SYNPO2: variants seen among roughly 807,000 people sequenced by gnomAD.
SYNPO2 encodes synaptopodin-2.
Under a neutral mutation model 85.0 loss-of-function variants are expected in SYNPO2, and 56 were observed. That is an observed-to-expected ratio of 0.66 (90% CI 0.53 to 0.82). SYNPO2 has a LOEUF of 0.82. Among genes scored for constraint, SYNPO2 ranks in the 40% least tolerant of loss-of-function variants. The pLI, the probability that SYNPO2 is intolerant of heterozygous loss-of-function variation, is 0.00. For synonymous variants in SYNPO2, 602 were observed against 591.1 expected, an observed-to-expected ratio of 1.02 and a Z score of -0.27; for missense variants, 1,575 against 1,534.2, an observed-to-expected ratio of 1.03 and a Z score of -0.44.
chr4:118,855,501 G>A lies in SYNPO2; in HGVS notation c.12+4561G>A, dbSNP rs184034257. Among the ~76,000 whole-genome samples the A allele has an allele frequency of 4.9e-4, 75 of 152,042 alleles. 1 individual carries two copies. Among genetic ancestry groups the A allele is most frequent in the Non-Finnish European group, 3.8e-4 (26 of 67,946 alleles). ...ATTACTTTTTATCTGAGTAGATATC[G>A]CACAACTGTAGAGAGAATATTTTCA... On this transcript the variant is annotated intron_variant, in intron 1 of 4. Transcript: ENST00000610556.
At chr4:118,886,984 G>T (rs1732209062), upstream of SYNPO2, among the ~76,000 whole-genome samples, 1 of 151,942 alleles carries the variant, frequency 6.6e-6, no homozygotes, top group East Asian at 1.9e-4. Flanking sequence ...ATTCAACATT[G>T]TTTCATGACA....
At position 119,029,950 on chromosome 4, in the gene SYNPO2, A is replaced by G. The variant is rs775511010; in HGVS notation, c.1175A>G (p.Lys392Arg). Residue 392 changes from lysine (K) to arginine (R), a missense_variant, in exon 4 of 5, where the codon AAG (lysine) becomes AGG (arginine). Lys to Arg is a conservative substitution (Grantham distance 26). This residue lies in a region of SYNPO2 where 1,508 missense variants were observed against 1,446.8 expected (regional missense o/e 1.04). Transcript: ENST00000307142. ...LLTDAPNPNS[K>R]GVLMFKKRRR... ...ACGGATGCTCCCAACCCCAACTCCA[A>G]GGGGGTGTTGATGTTTAAGAAGCGA... is the stretch of plus-strand genomic sequence containing the variant. 81 of 1,613,936 alleles carry G rather than the reference A, an allele frequency of 5.0e-5. No homozygotes were observed. Among genetic ancestry groups the G allele is most frequent in the Non-Finnish European group, 6.4e-5 (76 of 1,180,006 alleles).
chr4:119,030,745 A>AG lies in SYNPO2; in HGVS notation c.1971dup (p.Pro658AlafsTer8), dbSNP rs2149190574. On this transcript the variant is annotated frameshift_variant, in exon 4 of 5. Transcript: ENST00000307142. LOFTEE classifies it high-confidence loss of function. ...TGGCCCCAGCCTGCCCCGTGGTCCC[A>AG]GCCAGCCTTTTACGATTCGTCTGAG... The AG allele has an allele frequency of 6.2e-7, 1 of 1,614,196 alleles. No homozygotes were observed. The highest frequency in any genetic ancestry group is 2.2e-5 in the East Asian group (1 of 44,878).
In SYNPO2 at chr4:119,030,319, G is replaced by A. The variant is rs754467863; in HGVS notation, c.1544G>A (p.Gly515Asp). The change falls in exon 4 of 5, where the codon GGT becomes GAT. Residue 515 changes from glycine to aspartate, a missense_variant. This residue lies in a region of SYNPO2 where 1,508 missense variants were observed against 1,446.8 expected (regional missense o/e 1.04). Coordinates refer to ENST00000307142, the MANE Select transcript of SYNPO2 (RefSeq NM_133477.3). ...ITAQKEEDKV[G>D]GTPSREQDAA... is the part of the protein sequence containing the mutation. ...GCCCAAAAAGAAGAGGACAAGGTAG[G>A]TGGAACGCCAAGCAGAGAACAAGAT... is the stretch of plus-strand genomic sequence containing the variant. The A allele has an allele frequency of 2.6e-5, 42 of 1,613,992 alleles. No homozygotes were observed. Among genetic ancestry groups the A allele is most frequent in the Non-Finnish European group, 3.5e-5 (41 of 1,180,044 alleles).
At position 119,029,867 on chromosome 4, in the gene SYNPO2, GTCAGA is replaced by G; in HGVS notation, c.1093_1097del (p.Ser365LysfsTer9). ...TAGGGCTCAGGAGGAGTGAAAGCCTGTCAGAAAAACAAGTGAAGGAAGCAAAATCT... is the reference window on the plus strand; with the variant it reads ...TAGGGCTCAGGAGGAGTGAAAGCCTGAAAACAAGTGAAGGAAGCAAAATCT... On this transcript the variant is annotated frameshift_variant, in exon 4 of 5. Transcript: ENST00000307142. LOFTEE classifies it high-confidence loss of function. 3.1e-6 allele frequency: 5 copies of G among 1,588,448 alleles called. No homozygotes were observed. The highest frequency in any genetic ancestry group is 4.3e-6 in the Non-Finnish European group (5 of 1,165,334).
intron 1 of SYNPO2, among the ~76,000 whole-genome samples, chr4:118,857,100 T>C (rs1238362162): frequency 1.3e-5 from 2 of 152,174 alleles, no homozygotes; most frequent in Non-Finnish European, 2.9e-5. Flanking sequence ...AAGCTACTTA[T>C]ATGATGATAG....
At chr4:118,852,697 A>G (rs1165290683) in intron 1 of SYNPO2, among the ~76,000 whole-genome samples, 1 of 152,160 alleles carries the variant, frequency 6.6e-6, no homozygotes, top group Non-Finnish European at 1.5e-5. Flanking sequence ...GAGGGGAACA[A>G]CACACACTGG....
intron 1 of SYNPO2, among the ~76,000 whole-genome samples, chr4:118,854,422 A>T (rs531985196): frequency 2.0e-5 from 3 of 152,354 alleles, no homozygotes; most frequent in South Asian, 4.1e-4. Flanking sequence ...TTATAGCAAC[A>T]TATTAGATGC....
chr4:119,053,609 AC>A (rs1436971439), intron 4 of SYNPO2, among the ~76,000 whole-genome samples: 2 of 152,154 alleles, frequency 1.3e-5, no homozygotes, highest in African/African-American at 4.8e-5. Context: ...TCAATACCAT[AC>A]CTCAATATTT....
chr4:118,900,693 CTCTCTCTCTCTATA>C (rs58777945), intron 1 of SYNPO2, among the ~76,000 whole-genome samples: 727 of 49,778 alleles, frequency 0.015, 10 homozygotes, highest in African/African-American at 0.038. Context: ...CTCTCTCTCT[CTCTCTCTCTCTATA>C]TATATATATA....
At chr4:118,941,085 G>A (rs964320878) in intron 1 of SYNPO2, among the ~76,000 whole-genome samples, 2 of 152,080 alleles carry the variant, frequency 1.3e-5, no homozygotes, top group East Asian at 1.9e-4. Context: ...TGGACATGTC[G>A]ACTTTCATGT....
chr4:118,994,706 A>C (rs756903307), intron 1 of SYNPO2, among the ~76,000 whole-genome samples: 4 of 152,200 alleles, frequency 2.6e-5, no homozygotes, highest in Non-Finnish European at 4.4e-5. Context: ...ACATAACCAC[A>C]AGCTTGGTAG....
Position 118,859,656 on chromosome 4 carries a change from A to AT in SYNPO2, c.12+8717dup, listed in dbSNP as rs142325820. On this transcript the variant is annotated intron_variant, in intron 1 of 4. Coordinates refer to the SYNPO2 transcript ENST00000610556. ...TTGTTTTAAGTTTTAGCTCCCACAGATAAGTGATAACATGCAATGTTTATC... is the reference window on the plus strand; with the variant it reads ...TTGTTTTAAGTTTTAGCTCCCACAGATTAAGTGATAACATGCAATGTTTATC... Among the ~76,000 whole-genome samples, 1,424 of 152,282 alleles carry AT rather than the reference A, an allele frequency of 9.4e-3. 13 individuals carry two copies. The highest frequency in any genetic ancestry group is 0.044 in the Middle Eastern group (13 of 294).
At chr4:118,874,686 G>A (rs752238551) in intron 1 of SYNPO2, among the ~76,000 whole-genome samples, 2 of 152,074 alleles carry the variant, frequency 1.3e-5, no homozygotes, top group African/African-American at 4.8e-5. Context: ...CAATGGTGGT[G>A]TGGAGGGCTT....
chr4:119,035,261 A>G (rs2149193941), intron 4 of SYNPO2: 3 of 985,422 alleles, frequency 3.0e-6, no homozygotes, highest in Non-Finnish European at 3.6e-6. Context: ...TTGTGCTATA[A>G]TGAATCTGCA....
At position 119,033,876 on chromosome 4, in the gene SYNPO2, T is replaced by C. The variant is rs959343959; in HGVS notation, c.3252+1849T>C. The stretch of plus-strand genomic sequence containing the variant: ...TATTTCTCCATACATTGTAAAACTG[T>C]AATCCTTAGGTATTTCTAAAACATA... On this transcript the variant is annotated intron_variant, in intron 4 of 4. Coordinates refer to ENST00000307142, the MANE Select transcript of SYNPO2 (RefSeq NM_133477.3). The C allele has an allele frequency of 6.1e-6, 6 of 985,242 alleles. No individual in the cohort carries two copies. The East Asian group carries it at 4.5e-4, about 74-fold the overall frequency. 61.0% of individuals were successfully genotyped at this position (985,242 alleles called of 1,614,324 possible). A position where few individuals can be genotyped will look rare whatever the true frequency, so the allele number is the denominator to read the frequency against.
rs764827268 is a variant in SYNPO2, at chr4:119,031,212, T to C, written c.2437T>C (p.Tyr813His). 1.2e-6 allele frequency: 2 copies of C among 1,614,104 alleles called. No individual in the cohort carries two copies. Among genetic ancestry groups the C allele is most frequent in the East Asian group, 4.5e-5 (2 of 44,870 alleles). Residue 813 changes from tyrosine (Y) to histidine (H), a missense_variant, in exon 4 of 5, where the codon TAC (tyrosine) becomes CAC (histidine). Tyr to His is a moderately conservative substitution (Grantham distance 83). Around this residue, in one of 3 missense-constraint regions of SYNPO2, gnomAD observed 1,508 missense variants for 1,446.8 expected, o/e 1.04. Transcript: ENST00000307142. Reference sequence around the variant, plus strand: ...CTCCATCAAAATAGCCCAGCCTTCTTACCCTCCTGCCCGGCCTGCAAGTAC... The same window carrying C: ...CTCCATCAAAATAGCCCAGCCTTCTCACCCTCCTGCCCGGCCTGCAAGTAC... ...VSSIKIAQPSYPPARPASTLN... is the reference protein window; with the variant it reads ...VSSIKIAQPSHPPARPASTLN...
intron 1 of SYNPO2, among the ~76,000 whole-genome samples, chr4:118,879,553 C>G (rs557447661): frequency 6.6e-6 from 1 of 152,192 alleles, no homozygotes; most frequent in Non-Finnish European, 1.5e-5. Flanking sequence ...AGAGGGCACT[C>G]AGCAGACAGT....
At chr4:119,000,892 A>G (rs749736324) in intron 1 of SYNPO2, among the ~76,000 whole-genome samples, 5 of 152,104 alleles carry the variant, frequency 3.3e-5, no homozygotes, top group Non-Finnish European at 7.4e-5. Context: ...CTGCTGAGAC[A>G]TAAGTCTAGA....
Sources: allele counts gnomAD v4.1 joint callset (sites outside exome capture counted in the v4.1 genomes callset), GRCh38; gene constraint gnomAD v4.1.1; regional missense constraint gnomAD v4.1.1; transcripts MANE v1.5; gene names NCBI Gene and HGNC (gene_info 2026-07-23, HGNC 2026-07-21).